PCDHA1: variants seen among roughly 807,000 people sequenced by gnomAD.
The protein encoded by PCDHA1 is protocadherin alpha 1.
Under a neutral mutation model 61.3 loss-of-function variants are expected in PCDHA1, and 42 were observed. The ratio of observed to expected loss-of-function variants is 0.69; its 90% CI spans 0.54 to 0.89. The LOEUF (loss-of-function observed/expected upper bound fraction) is 0.89, where lower values mean the gene tolerates loss of function less well. PCDHA1 is among the 40% of genes least tolerant of loss of function. The pLI, the probability that PCDHA1 is intolerant of heterozygous loss-of-function variation, is 0.00. For missense variants in PCDHA1, 1,256 were observed against 1,235.3 expected, an observed-to-expected ratio of 1.02 and a Z score of -0.25; for synonymous variants, 610 against 553.8, an observed-to-expected ratio of 1.10 and a Z score of -1.43.
At chr5:140,926,139 C>A (rs1434952263) in intron 1 of PCDHA1, among the ~76,000 whole-genome samples, 11 of 152,088 alleles carry the variant, frequency 7.2e-5, no homozygotes, top group Non-Finnish European at 1.5e-4. Flanking sequence ...GCAGCAGGAT[C>A]CAGCGCGGAA....
intron 3 of PCDHA1, among the ~76,000 whole-genome samples, chr5:140,985,897 T>G (rs1037239723): frequency 1.3e-5 from 2 of 151,648 alleles, no homozygotes; most frequent in Non-Finnish European, 2.9e-5. Context: ...CCGCCACCAC[T>G]CCCGTCTAAT....
chr5:140,800,814 T>C (rs1762602804), intron 1 of PCDHA1, among the ~76,000 whole-genome samples: 1 of 152,212 alleles, frequency 6.6e-6, no homozygotes, highest in South Asian at 2.1e-4. Context: ...TTTTAGTGTA[T>C]GTCATGAATT....
At chr5:140,836,229 G>A in intron 1 of PCDHA1, 1 of 1,613,818 alleles carries the variant, frequency 6.2e-7, no homozygotes. Context: ...ACCGGTGGCG[G>A]CCGGTGCGAG....
chr5:140,881,803 T>A (rs574659861), intron 1 of PCDHA1, among the ~76,000 whole-genome samples: 5 of 152,058 alleles, frequency 3.3e-5, no homozygotes, highest in Non-Finnish European at 7.3e-5. Context: ...CCAAAACGAG[T>A]GTCGAATATT....
chr5:140,868,940 A>C, intron 1 of PCDHA1: 1 of 1,249,404 alleles, frequency 8.0e-7, no homozygotes, highest in South Asian at 1.6e-5. Context: ...GGTTGGTCTG[A>C]ACAGTGAGGC....
At chr5:140,820,047 T>C (rs1170204744) in intron 1 of PCDHA1, among the ~76,000 whole-genome samples, 1 of 152,048 alleles carries the variant, frequency 6.6e-6, no homozygotes, top group Non-Finnish European at 1.5e-5. Context: ...TTTACTGTTA[T>C]ATAATAGAAA....
chr5:140,983,526 A>G (rs1421450953), intron 3 of PCDHA1, among the ~76,000 whole-genome samples: 3 of 152,230 alleles, frequency 2.0e-5, no homozygotes, highest in Admixed American at 2.0e-4. Flanking sequence ...TGCCAAGTAC[A>G]TTGTATGTGT....
chr5:140,829,407 C>G (rs1357066039), intron 1 of PCDHA1: 1 of 1,614,022 alleles, frequency 6.2e-7, no homozygotes, highest in Non-Finnish European at 8.5e-7. Flanking sequence ...TGGGCCACCG[C>G]CAGCTTGTCT....
At chr5:140,866,469 C>CG (rs2049380122) in intron 1 of PCDHA1, 2 of 152,080 alleles carry the variant, frequency 1.3e-5, no homozygotes, top group Non-Finnish European at 2.9e-5. Context: ...AAGCTCATAA[C>CG]AACTGACAAA....
intron 1 of PCDHA1, chr5:140,870,439 G>C (rs374343977): frequency 6.2e-7 from 1 of 1,614,126 alleles, no homozygotes; most frequent in African/African-American, 1.3e-5. Flanking sequence ...GGAGGTGGCC[G>C]ACGTGAACGA....
At chr5:140,967,915 T>C in intron 1 of PCDHA1, 1 of 1,614,148 alleles carries the variant, frequency 6.2e-7, no homozygotes, top group Non-Finnish European at 8.5e-7. Context: ...CCAACACCAT[T>C]GTGGCCGTTC....
At chr5:140,971,221 G>A (rs1234658755) in intron 1 of PCDHA1, among the ~76,000 whole-genome samples, 1 of 152,082 alleles carries the variant, frequency 6.6e-6, no homozygotes, top group East Asian at 1.9e-4. Flanking sequence ...TCCCTCTCCT[G>A]ACTCAAAGCT....
At chr5:140,823,760 C>T (rs2150128884) in intron 1 of PCDHA1, 2 of 1,613,900 alleles carry the variant, frequency 1.2e-6, no homozygotes, top group East Asian at 2.2e-5. Context: ...ACAGCCACAG[C>T]CACAGTGCTG....
At chr5:140,851,713 T>C in intron 1 of PCDHA1, 1 of 961,328 alleles carries the variant, frequency 1.0e-6, no homozygotes, top group Non-Finnish European at 1.3e-6. Context: ...ATGTGAAGAT[T>C]CGAAACTTCG....
At chr5:140,987,268 C>T (rs190952772) in intron 3 of PCDHA1, among the ~76,000 whole-genome samples, 177 of 151,894 alleles carry the variant, frequency 1.2e-3, no homozygotes, top group African/African-American at 4.1e-3. Flanking sequence ...GAATGGGACC[C>T]GGCAGTCTAT....
In PCDHA1 at chr5:140,830,227, C is replaced by G. The variant is rs2150183026; in HGVS notation, c.2394+41543C>G. 2.1e-5 allele frequency: 34 copies of G among 1,613,900 alleles called. No individual in the cohort carries two copies. The African/African-American group carries it at 3.6e-4, about 17-fold the overall frequency. ...TCTGCGCGGTATCCAGCCTGCTGGT[C>G]CTCACGCTACTGCTGTACACAGCGC... On this transcript the variant is annotated intron_variant, in intron 1 of 3. Coordinates refer to ENST00000504120, the MANE Select transcript of PCDHA1 (RefSeq NM_018900.4).
chr5:140,951,321 A>AT (rs2094571430), intron 1 of PCDHA1, among the ~76,000 whole-genome samples: 1 of 152,098 alleles, frequency 6.6e-6, no homozygotes, highest in Non-Finnish European at 1.5e-5. Context: ...TATTCTTGAG[A>AT]TTCATCATTC....
chr5:140,976,511 A>G (rs1216804890), intron 1 of PCDHA1, among the ~76,000 whole-genome samples: 1 of 152,148 alleles, frequency 6.6e-6, no homozygotes, highest in Non-Finnish European at 1.5e-5. Flanking sequence ...AGATCGCGCC[A>G]CTGCACACCA....
At chr5:140,855,607 T>C (rs1157385251) in intron 1 of PCDHA1, among the ~76,000 whole-genome samples, 2 of 149,722 alleles carry the variant, frequency 1.3e-5, no homozygotes, top group African/African-American at 4.9e-5. Context: ...AGTATGCAAA[T>C]ATTAAGGGCA....
Sources: allele counts gnomAD v4.1 joint callset (sites outside exome capture counted in the v4.1 genomes callset), GRCh38; gene constraint gnomAD v4.1.1; transcripts MANE v1.5; gene names NCBI Gene and HGNC (gene_info 2026-07-23, HGNC 2026-07-21).